The following MPPED2 variants were observed in gnomAD, a reference collection of about 807,000 sequenced individuals.
MPPED2 encodes the protein metallophosphoesterase domain containing 2.
Under a neutral mutation model 33.0 loss-of-function variants are expected in MPPED2, and 5 were observed. That is an observed-to-expected ratio of 0.15 (90% CI 0.08 to 0.32). The LOEUF (loss-of-function observed/expected upper bound fraction) is 0.32, where lower values mean the gene tolerates loss of function less well. MPPED2 is among the 10% of genes least tolerant of loss of function. MPPED2 has a pLI of 1.00. For synonymous variants in MPPED2, 136 were observed against 141.9 expected, an observed-to-expected ratio of 0.96 and a Z score of 0.29; for missense variants, 275 against 372.1, an observed-to-expected ratio of 0.74 and a Z score of 2.15.
chr11:30,400,089 T>C (rs1189015658), intron 6 of MPPED2, among the ~76,000 whole-genome samples: 1 of 152,176 alleles, frequency 6.6e-6, no homozygotes, highest in East Asian at 1.9e-4. Flanking sequence ...TATTACTTTT[T>C]AATTTCTTAG....
intron 2 of MPPED2, among the ~76,000 whole-genome samples, chr11:30,546,524 A>G (rs1955432945): frequency 6.6e-6 from 1 of 152,190 alleles, no homozygotes; most frequent in Admixed American, 6.5e-5. Flanking sequence ...AATGTCCCAC[A>G]AGTAGTTGTT....
In MPPED2 at chr11:30,480,109, C is replaced by T. The variant is rs150297648; in HGVS notation, c.536+15187G>A. Among the ~76,000 whole-genome samples the T allele has an allele frequency of 2.6e-4, 39 of 152,194 alleles. No individual in the cohort carries two copies. The East Asian group carries it at 5.0e-3, about 20-fold the overall frequency. On this transcript the variant is annotated intron_variant, in intron 4 of 6. Coordinates refer to ENST00000358117, the MANE Select transcript of MPPED2 (RefSeq NM_001584.3). ...GCAAAGGTCAGGCTGGACAAAACAG[C>T]GCCTAATGAAGCTTCTCGTGTTTGG...
At chr11:30,572,650 G>A (rs1179610152) in intron 2 of MPPED2, among the ~76,000 whole-genome samples, 2 of 152,070 alleles carry the variant, frequency 1.3e-5, no homozygotes. Context: ...AACAGCAAAT[G>A]CAGCCCAACT....
intron 1 of MPPED2, among the ~76,000 whole-genome samples, chr11:30,585,412 G>T (rs1730551597): frequency 6.6e-6 from 1 of 151,866 alleles, no homozygotes; most frequent in South Asian, 2.1e-4. Flanking sequence ...GCCGCGGGGC[G>T]CAGCCGGAGC....
At chr11:30,529,656 A>C (rs1269600797) in intron 3 of MPPED2, among the ~76,000 whole-genome samples, 3 of 152,214 alleles carry the variant, frequency 2.0e-5, no homozygotes, top group Non-Finnish European at 2.9e-5. Context: ...AAAGGAATGC[A>C]CATGTATAAC....
chr11:30,546,194 CTAT>C (rs1386913308), intron 2 of MPPED2, among the ~76,000 whole-genome samples: 4 of 152,202 alleles, frequency 2.6e-5, no homozygotes, highest in African/African-American at 9.6e-5. Flanking sequence ...ATGCCTAAAA[CTAT>C]TATTTTAAAA....
intron 4 of MPPED2, among the ~76,000 whole-genome samples, chr11:30,447,087 CT>C (rs1949845954): frequency 6.6e-6 from 1 of 152,180 alleles, no homozygotes; most frequent in Non-Finnish European, 1.5e-5. Context: ...ATGAACTGGG[CT>C]GCATAAACGA....
At chr11:30,493,688 G>T (rs1565122641) in intron 4 of MPPED2, among the ~76,000 whole-genome samples, 1 of 151,842 alleles carries the variant, frequency 6.6e-6, no homozygotes, top group Non-Finnish European at 1.5e-5. Context: ...TGGCTCTAGG[G>T]CCTAAATGAC....
intron 2 of MPPED2, among the ~76,000 whole-genome samples, chr11:30,542,900 T>C (rs896921182): frequency 3.9e-5 from 6 of 152,252 alleles, no homozygotes; most frequent in Admixed American, 3.3e-4. Context: ...TAAAAATAAT[T>C]TTAAAAATGA....
chr11:30,468,831 G>C (rs997353111), intron 4 of MPPED2: 9 of 152,172 alleles, frequency 5.9e-5, no homozygotes, highest in African/African-American at 2.2e-4. Flanking sequence ...TGATCCCCCA[G>C]ATTCTTCCAG....
intron 4 of MPPED2, among the ~76,000 whole-genome samples, chr11:30,492,242 G>C (rs1028915197): frequency 2.0e-5 from 3 of 152,138 alleles, no homozygotes; most frequent in African/African-American, 4.8e-5. Flanking sequence ...AGATCTGCCT[G>C]AGGACCAAAA....
chr11:30,468,570 A>G (rs1950818808), intron 4 of MPPED2, among the ~76,000 whole-genome samples: 2 of 152,232 alleles, frequency 1.3e-5, no homozygotes, highest in African/African-American at 4.8e-5. Context: ...AAGAGGTAAA[A>G]TAATTAGGAG....
chr11:30,504,851 C>T (rs1267486382), intron 3 of MPPED2: 2 of 1,222,078 alleles, frequency 1.6e-6, no homozygotes, highest in South Asian at 2.5e-5. Context: ...ATATTAAACA[C>T]AGAAAACTAT....
intron 5 of MPPED2, among the ~76,000 whole-genome samples, chr11:30,415,304 C>A (rs930239218): frequency 6.6e-6 from 1 of 152,076 alleles, no homozygotes; most frequent in African/African-American, 2.4e-5. Context: ...AGTGGGGTCC[C>A]CAGCAAAAAT....
chr11:30,478,542 C>T (rs1009703973), intron 4 of MPPED2, among the ~76,000 whole-genome samples: 45 of 151,960 alleles, frequency 3.0e-4, no homozygotes, highest in African/African-American at 1.1e-3. Context: ...ATGATGATAA[C>T]AAAGGCTAGG....
intron 1 of MPPED2, among the ~76,000 whole-genome samples, chr11:30,583,114 A>G (rs1249051218): frequency 1.6e-5 from 2 of 125,570 alleles, no homozygotes; most frequent in East Asian, 4.3e-4. Context: ...TTAAACACAA[A>G]CACCTGGAAA....
At chr11:30,404,253 C>T (rs1425250621) in intron 6 of MPPED2, among the ~76,000 whole-genome samples, 1 of 152,150 alleles carries the variant, frequency 6.6e-6, no homozygotes, top group Admixed American at 6.5e-5. Flanking sequence ...TTTTGGATTC[C>T]ACATAAGAGT....
downstream of MPPED2, among the ~76,000 whole-genome samples, chr11:30,405,925 A>G (rs1317510492): frequency 2.0e-5 from 3 of 152,188 alleles, no homozygotes; most frequent in Non-Finnish European, 4.4e-5. Context: ...GAAATAAAAG[A>G]GCACATCCAA....
intron 2 of MPPED2, among the ~76,000 whole-genome samples, chr11:30,538,988 C>A (rs773304377): frequency 6.6e-6 from 1 of 152,122 alleles, no homozygotes; most frequent in African/African-American, 2.4e-5. Flanking sequence ...ACAAATATCA[C>A]CTGGAGCTCA....
Sources: allele counts gnomAD v4.1 joint callset (sites outside exome capture counted in the v4.1 genomes callset), GRCh38; gene constraint gnomAD v4.1.1; transcripts MANE v1.5; gene names NCBI Gene and HGNC (gene_info 2026-07-23, HGNC 2026-07-21).